Variants in CRPPA observed in about 807,000 individuals in gnomAD.
The protein encoded by CRPPA is CDP-L-ribitol pyrophosphorylase A.
In CRPPA, 43 loss-of-function variants were observed where a neutral mutation model predicts 52.0. The observed-to-expected ratio is 0.83, with a 90% confidence interval of 0.65 to 1.07. The LOEUF is 1.07. Ranked by LOEUF, CRPPA falls within the 50% of genes least tolerant of loss-of-function variation. CRPPA has a pLI of 0.00. For missense variants in CRPPA, 629 were observed against 551.7 expected (o/e 1.14, Z -1.40); for synonymous variants, 250 against 203.5 (o/e 1.23, Z -1.94).
chr7:16,314,776 TC>T lies in CRPPA; in HGVS notation c.685-6150del, dbSNP rs764964750. On this transcript the variant is annotated intron_variant, in intron 3 of 9. Transcript: ENST00000407010. ...CTACTGAAGAGAAGTGAGATGTAAT[TC>T]TATGGGTAAGGTGTTTATCTTTTCA... Among the ~76,000 whole-genome samples, 10 of 152,256 alleles carry T rather than the reference TC, an allele frequency of 6.6e-5. No individual in the cohort carries two copies. The East Asian group carries it at 1.7e-3, about 27-fold the overall frequency.
chr7:16,105,322 C>A (rs1266500632), intron 9 of CRPPA, among the ~76,000 whole-genome samples: 2 of 152,214 alleles, frequency 1.3e-5, no homozygotes, highest in East Asian at 3.8e-4. Flanking sequence ...AATGATCTCA[C>A]TCCAACTATG....
At chr7:16,151,472 T>C (rs924382063) in intron 9 of CRPPA, among the ~76,000 whole-genome samples, 2 of 152,168 alleles carry the variant, frequency 1.3e-5, no homozygotes, top group African/African-American at 2.4e-5. Flanking sequence ...AGAAATACTA[T>C]GTTGCCTGTT....
At chr7:16,273,105 T>TCCCTCCC (rs1784125516) in intron 6 of CRPPA, among the ~76,000 whole-genome samples, 1 of 110,500 alleles carries the variant, frequency 9.0e-6, no homozygotes, top group South Asian at 3.5e-4. Context: ...CCTAATGCTA[T>TCCCTCCC]CCCTCCCCCC....
At chr7:16,133,132 T>G (rs1290529071) in intron 9 of CRPPA, among the ~76,000 whole-genome samples, 1 of 122,088 alleles carries the variant, frequency 8.2e-6, no homozygotes, top group Non-Finnish European at 1.9e-5. Context: ...CTGGACAACA[T>G]GGTGAAATCC....
intron 9 of CRPPA, among the ~76,000 whole-genome samples, chr7:16,139,218 C>G (rs1470629331): frequency 6.6e-6 from 1 of 152,118 alleles, no homozygotes; most frequent in Non-Finnish European, 1.5e-5. Flanking sequence ...GTAGTCTAGT[C>G]AAAGATCTGA....
chr7:16,319,389 C>G (rs781355527), intron 3 of CRPPA, among the ~76,000 whole-genome samples: 1 of 152,128 alleles, frequency 6.6e-6, no homozygotes, highest in Admixed American at 6.6e-5. Flanking sequence ...ATCCTAGGAA[C>G]TCCCTACATC....
chr7:16,380,697 C>T (rs1583562618), intron 2 of CRPPA, among the ~76,000 whole-genome samples: 1 of 152,218 alleles, frequency 6.6e-6, no homozygotes, highest in Admixed American at 6.5e-5. Context: ...AGCGATTCAA[C>T]TTCTTCCTGG....
Position 16,281,844 on chromosome 7 carries a change from T to C in CRPPA, c.836-3618A>G, listed in dbSNP as rs550429624. ...TTTCCCTAAGGATGTGTTCATTTCA[T>C]CTAAATTCTTATTAACAGTAGCATA... is the stretch of plus-strand genomic sequence containing the variant. On this transcript the variant is annotated intron_variant, in intron 5 of 9. Transcript: ENST00000407010. Among the ~76,000 whole-genome samples the C allele has an allele frequency of 1.3e-4, 20 of 152,302 alleles. 1 individual carries two copies. The South Asian group carries it at 4.1e-3, about 32-fold the overall frequency.
chr7:16,324,097 T>G (rs1227789864), intron 3 of CRPPA, among the ~76,000 whole-genome samples: 2 of 152,146 alleles, frequency 1.3e-5, no homozygotes, highest in African/African-American at 2.4e-5. Flanking sequence ...CACCTCTTAT[T>G]TGTCTTTAAA....
intron 9 of CRPPA, among the ~76,000 whole-genome samples, chr7:16,122,691 T>G (rs1169112383): frequency 6.6e-6 from 1 of 152,050 alleles, no homozygotes; most frequent in Non-Finnish European, 1.5e-5. Flanking sequence ...ATCTAGATTA[T>G]CTATGAAAAC....
intron 9 of CRPPA, among the ~76,000 whole-genome samples, chr7:16,111,785 C>A (rs1782269507): frequency 1.3e-5 from 2 of 152,108 alleles, no homozygotes; most frequent in Admixed American, 6.5e-5. Context: ...ATAACAAACA[C>A]AAGGTATAGA....
At chr7:16,253,856 T>C (rs1305388979) in intron 8 of CRPPA, among the ~76,000 whole-genome samples, 1 of 151,954 alleles carries the variant, frequency 6.6e-6, no homozygotes, top group Non-Finnish European at 1.5e-5. Context: ...AGAGCTAATA[T>C]CCGGACTCTA....
chr7:16,393,353 TAG>T (rs1235393828), intron 2 of CRPPA, among the ~76,000 whole-genome samples: 27 of 152,224 alleles, frequency 1.8e-4, no homozygotes, highest in Admixed American at 5.9e-4. Context: ...GAAAAGTTAT[TAG>T]AGAGCTGTCT....
intron 8 of CRPPA, among the ~76,000 whole-genome samples, chr7:16,241,130 T>C (rs1417093598): frequency 6.6e-6 from 1 of 152,186 alleles, no homozygotes; most frequent in Non-Finnish European, 1.5e-5. Context: ...GGAAACAATT[T>C]ACATCTGTGA....
At chr7:16,399,706 A>T (rs891771024) in intron 2 of CRPPA, among the ~76,000 whole-genome samples, 1 of 151,906 alleles carries the variant, frequency 6.6e-6, no homozygotes, top group East Asian at 1.9e-4. Flanking sequence ...ACACGTGACC[A>T]ACATGACTGA....
At chr7:16,318,351 A>G (rs2128426774) in intron 3 of CRPPA, among the ~76,000 whole-genome samples, 1 of 152,274 alleles carries the variant, frequency 6.6e-6, no homozygotes, top group South Asian at 2.1e-4. Flanking sequence ...TCACACATGC[A>G]CATGGTTTAA....
chr7:16,319,998 C>T (rs1466451639), intron 3 of CRPPA, among the ~76,000 whole-genome samples: 1 of 152,168 alleles, frequency 6.6e-6, no homozygotes, highest in Non-Finnish European at 1.5e-5. Context: ...TAATTCCTAG[C>T]TTGCCCCAAC....
intron 3 of CRPPA, among the ~76,000 whole-genome samples, chr7:16,356,423 G>A (rs1256577204): frequency 6.6e-6 from 1 of 152,150 alleles, no homozygotes; most frequent in Non-Finnish European, 1.5e-5. Flanking sequence ...CTTGGAGGTG[G>A]GGGAGTATCT....
In CRPPA at chr7:16,381,295, G is replaced by A. The variant is rs534110432; in HGVS notation, c.535-5054C>T. ...GGTTGTTCAGTTTCCATGTAGTTGA[G>A]TGGTTTTGAGTGAGTTTCTTAATCC... On this transcript the variant is annotated intron_variant, in intron 2 of 9. Coordinates refer to ENST00000407010, the MANE Select transcript of CRPPA (RefSeq NM_001101426.4). Among the ~76,000 whole-genome samples, 429 of 152,252 alleles carry A rather than the reference G, an allele frequency of 2.8e-3. 2 individuals are homozygous for A. Among genetic ancestry groups the A allele is most frequent in the African/African-American group, 9.8e-3 (407 of 41,536 alleles).
Sources: allele counts gnomAD v4.1 joint callset (sites outside exome capture counted in the v4.1 genomes callset), GRCh38; gene constraint gnomAD v4.1.1; transcripts MANE v1.5; gene names NCBI Gene and HGNC (gene_info 2026-07-23, HGNC 2026-07-21).